The following PCDH9 variants were observed in gnomAD, a reference collection of about 807,000 sequenced individuals.
PCDH9 encodes protocadherin-9.
A neutral mutation model predicts 70.6 loss-of-function variants in PCDH9; 24 were observed. The ratio of observed to expected loss-of-function variants is 0.34; its 90% CI spans 0.25 to 0.48. PCDH9 has a LOEUF of 0.48. Among genes scored for constraint, PCDH9 ranks in the 20% least tolerant of loss-of-function variants. PCDH9 has a pLI of 0.99. For missense variants in PCDH9, 1,281 were observed against 1,503.6 expected, an observed-to-expected ratio of 0.85 and a Z score of 2.45; for synonymous variants, 562 against 558.5, an observed-to-expected ratio of 1.01 and a Z score of -0.09.
At chr13:66,558,522 A>T (rs1961846418) in intron 4 of PCDH9, among the ~76,000 whole-genome samples, 1 of 152,010 alleles carries the variant, frequency 6.6e-6, no homozygotes, top group African/African-American at 2.4e-5. Flanking sequence ...ACAAGGGGTG[A>T]GTTAAAGAGT....
intron 3 of PCDH9, among the ~76,000 whole-genome samples, chr13:66,804,057 T>C (rs957408401): frequency 1.3e-4 from 20 of 152,304 alleles, no homozygotes; most frequent in Middle Eastern, 3.4e-3. Flanking sequence ...ATTTGCCTGG[T>C]TAAAATCAAT....
chr13:66,653,704 A>G lies in PCDH9; in HGVS notation c.3139-22293T>C, dbSNP rs1384505128. On this transcript the variant is annotated intron_variant, in intron 3 of 4. Coordinates refer to ENST00000377865, the MANE Select transcript of PCDH9 (RefSeq NM_203487.3). ...AGAAAATCGCCGGGCACGGTGGCTCATGCCTATAATCCCAGCAGTTTGGGA... is the reference window on the plus strand; with the variant it reads ...AGAAAATCGCCGGGCACGGTGGCTCGTGCCTATAATCCCAGCAGTTTGGGA... 1.3e-4 allele frequency among the ~76,000 whole-genome samples: 20 copies of G among 152,252 alleles called. No individual in the cohort carries two copies. The East Asian group carries it at 3.7e-3, about 28-fold the overall frequency.
At chr13:66,915,480 A>T (rs1264127449) in intron 2 of PCDH9, among the ~76,000 whole-genome samples, 1 of 151,672 alleles carries the variant, frequency 6.6e-6, no homozygotes, top group Non-Finnish European at 1.5e-5. Context: ...TTACCAGGAG[A>T]TCTAAGATAA....
At chr13:66,451,106 T>C (rs1958199483) in intron 4 of PCDH9, among the ~76,000 whole-genome samples, 2 of 152,192 alleles carry the variant, frequency 1.3e-5, no homozygotes, top group African/African-American at 4.8e-5. Context: ...CATGTATACA[T>C]ATGTAACAAA....
intron 4 of PCDH9, among the ~76,000 whole-genome samples, chr13:66,459,408 C>A (rs900766657): frequency 6.6e-6 from 1 of 151,680 alleles, no homozygotes; most frequent in Admixed American, 6.6e-5. Flanking sequence ...TTCTTTCTTC[C>A]GAGTGGAAGC....
intron 3 of PCDH9, among the ~76,000 whole-genome samples, chr13:66,637,227 C>T (rs1486094740): frequency 2.6e-5 from 4 of 152,106 alleles, no homozygotes; most frequent in Non-Finnish European, 4.4e-5. Flanking sequence ...AAAAAGCAAT[C>T]TATGGTTATG....
intron 3 of PCDH9, among the ~76,000 whole-genome samples, chr13:66,877,146 T>G (rs888787627): frequency 1.3e-4 from 20 of 151,908 alleles, no homozygotes; most frequent in Non-Finnish European, 2.2e-4. Context: ...GTGTATGCTA[T>G]TTTTGAAAAT....
At chr13:66,787,935 T>C (rs1467874687) in intron 3 of PCDH9, among the ~76,000 whole-genome samples, 1 of 152,176 alleles carries the variant, frequency 6.6e-6, no homozygotes, top group Non-Finnish European at 1.5e-5. Flanking sequence ...GTATAGAAGT[T>C]GATAATATAC....
intron 2 of PCDH9, among the ~76,000 whole-genome samples, chr13:67,179,302 T>C (rs1157785665): frequency 6.6e-6 from 1 of 152,132 alleles, no homozygotes; most frequent in Admixed American, 6.6e-5. Flanking sequence ...AAGTTCCATG[T>C]AGAAATTTTA....
intron 4 of PCDH9, among the ~76,000 whole-genome samples, chr13:66,436,546 C>G (rs1957870624): frequency 6.6e-6 from 1 of 152,128 alleles, no homozygotes; most frequent in Non-Finnish European, 1.5e-5. Flanking sequence ...ATTTTCTCAG[C>G]TTTGCTTCTG....
At chr13:66,449,607 A>G (rs1296927465) in intron 4 of PCDH9, among the ~76,000 whole-genome samples, 1 of 152,160 alleles carries the variant, frequency 6.6e-6, no homozygotes, top group Non-Finnish European at 1.5e-5. Flanking sequence ...TCACAAATAA[A>G]GTGTAAAGCT....
chr13:66,852,750 C>T (rs1353930875), intron 3 of PCDH9, among the ~76,000 whole-genome samples: 1 of 150,672 alleles, frequency 6.6e-6, no homozygotes. Context: ...TTCTTTTATG[C>T]TCTAAGTCGC....
Position 66,980,281 on chromosome 13 carries a change from G to C in PCDH9, c.3037-76676C>G, listed in dbSNP as rs2083715597. 1.3e-5 allele frequency among the ~76,000 whole-genome samples: 2 copies of C among 151,944 alleles called. 1 individual carries two copies. Among genetic ancestry groups the C allele is most frequent in the Non-Finnish European group, 2.9e-5 (2 of 67,962 alleles). On this transcript the variant is annotated intron_variant, in intron 2 of 4. Transcript: ENST00000377865. ...ACACCACCCCCATTCAATCCATCCAGAGATGATCTTCATCACACACACACG... is the reference window on the plus strand; with the variant it reads ...ACACCACCCCCATTCAATCCATCCACAGATGATCTTCATCACACACACACG...
At chr13:66,575,213 G>A (rs531518645) in intron 4 of PCDH9, among the ~76,000 whole-genome samples, 4 of 151,874 alleles carry the variant, frequency 2.6e-5, no homozygotes, top group Admixed American at 6.6e-5. Context: ...TGTTGTTGTT[G>A]TTGTTGTTAG....
chr13:66,315,681 T>C (rs1413630862), intron 4 of PCDH9, among the ~76,000 whole-genome samples: 1 of 152,076 alleles, frequency 6.6e-6, no homozygotes, highest in Non-Finnish European at 1.5e-5. Context: ...GGGTTTCTCC[T>C]TGTTGGTCAG....
chr13:66,499,626 A>T (rs2138555701), intron 4 of PCDH9, among the ~76,000 whole-genome samples: 1 of 152,344 alleles, frequency 6.6e-6, no homozygotes, highest in African/African-American at 2.4e-5. Flanking sequence ...TTCCTATGAA[A>T]GTTAATAAGC....
At chr13:66,619,550 G>T (rs118145900) in intron 4 of PCDH9, among the ~76,000 whole-genome samples, 4,779 of 151,966 alleles carry the variant, frequency 0.031, 113 homozygotes, top group Non-Finnish European at 0.05. Context: ...TACATGTTTT[G>T]CTGCTTCTAC....
At chr13:67,050,960 A>T (rs1254929524) in intron 2 of PCDH9, among the ~76,000 whole-genome samples, 1 of 152,230 alleles carries the variant, frequency 6.6e-6, no homozygotes, top group Non-Finnish European at 1.5e-5. Context: ...AGTAATAAAA[A>T]ATACAACTAA....
intron 2 of PCDH9, among the ~76,000 whole-genome samples, chr13:66,961,513 G>A (rs1028640196): frequency 6.6e-6 from 1 of 152,152 alleles, no homozygotes; most frequent in Non-Finnish European, 1.5e-5. Flanking sequence ...TCAATGAAAG[G>A]CTGGGTATGG....
Sources: gnomAD v4.1 joint callset for allele counts (sites outside exome capture counted in the v4.1 genomes callset) on GRCh38, gnomAD v4.1.1 for gene constraint, MANE v1.5 for transcripts, NCBI Gene and HGNC (gene_info 2026-07-23, HGNC 2026-07-21) for gene names.